Variants in ZNF114 observed in about 807,000 individuals in gnomAD.
The protein encoded by ZNF114 is zinc finger protein 114.
In ZNF114, 8 loss-of-function variants were observed where a neutral mutation model predicts 6.8. The observed-to-expected ratio is 1.18, with a 90% CI of 0.69 to 2.13. The LOEUF (loss-of-function observed/expected upper bound fraction) is 2.13, where lower values mean the gene tolerates loss of function less well. ZNF114 is among the 30% of genes most tolerant of loss of function. ZNF114 has a pLI of 0.00. For missense variants in ZNF114, 472 were observed against 519.5 expected (o/e 0.91, Z 0.89); for synonymous variants, 169 against 185.5 (o/e 0.91, Z 0.72).
rs142104732 is a variant in ZNF114, at chr19:48,277,116, G to A, written c.-69-2615G>A. Among the ~76,000 whole-genome samples the A allele has an allele frequency of 7.6e-3, 1,161 of 152,074 alleles. 15 individuals are homozygous for A. Among genetic ancestry groups the A allele is most frequent in the African/African-American group, 0.027 (1,101 of 41,480 alleles). ...GTGGAAGTTGCAGCGAGCTGAGATC[G>A]TGCCACTGCACTCCGGCCTGGGCGA... On this transcript the variant is annotated intron_variant, in intron 3 of 5. Coordinates refer to ENST00000595607, the MANE Select transcript of ZNF114 (RefSeq NM_153608.4).
chr19:48,286,993 C>A lies in ZNF114; in HGVS notation c.*115C>A. 3 of 1,114,610 alleles carry A rather than the reference C, an allele frequency of 2.7e-6. No individual in the cohort carries two copies. The highest frequency in any genetic ancestry group is 3.7e-6 in the Non-Finnish European group (3 of 821,292). 69.0% of individuals were successfully genotyped at this position (1,114,610 alleles called of 1,614,324 possible). Reference sequence around the variant, plus strand: ...AGTGAGAACATCTTCCCTGAACTCTCGTATCTTACAGAAATGTGAAAAAAA... The same window carrying A: ...AGTGAGAACATCTTCCCTGAACTCTAGTATCTTACAGAAATGTGAAAAAAA... On this transcript the variant is annotated 3_prime_UTR_variant, in exon 6 of 6. Transcript: ENST00000595607.
chr19:48,275,784 G>A (rs1967813364), intron 3 of ZNF114, among the ~76,000 whole-genome samples: 1 of 151,904 alleles, frequency 6.6e-6, no homozygotes, highest in Non-Finnish European at 1.5e-5. Flanking sequence ...CACGAGGTCA[G>A]GAGATCGAGA....
Position 48,286,155 on chromosome 19 carries a change from T to C in ZNF114, c.531T>C (p.Asp177=). ...AAACACATGAAAACAACGAAGACGATGGAGTCTTGGGGTGGAACATTCAGT... is the reference window on the plus strand; with the variant it reads ...AAACACATGAAAACAACGAAGACGACGGAGTCTTGGGGTGGAACATTCAGT... ...SQKTHENNED[D]GVLGWNIQWV... is the part of the protein sequence containing the mutation. The change falls in exon 6 of 6, where the codon GAT becomes GAC. Residue 177 remains aspartate, a synonymous_variant. Transcript: ENST00000595607. 6.2e-7 allele frequency: 1 copy of C among 1,614,120 alleles called. No homozygotes were observed. The highest frequency in any genetic ancestry group is 1.1e-5 in the South Asian group (1 of 91,084).
chr19:48,283,714 T>A (rs1600845661), intron 5 of ZNF114, among the ~76,000 whole-genome samples: 1 of 147,718 alleles, frequency 6.8e-6, no homozygotes, highest in African/African-American at 2.5e-5. Flanking sequence ...TTCTTCTCCC[T>A]GGGGGGTTCT....
chr19:48,287,010 T>TG lies in ZNF114; in HGVS notation c.*133dup, dbSNP rs1214810282. The TG allele has an allele frequency of 2.0e-6, 2 of 994,328 alleles. No homozygotes were observed. The highest frequency in any genetic ancestry group is 2.8e-6 in the Non-Finnish European group (2 of 723,026). The allele number at this position is 994,328 out of a possible 1,614,324, so 61.6% of individuals were successfully genotyped here. On this transcript the variant is annotated 3_prime_UTR_variant, in exon 6 of 6. Coordinates refer to ENST00000595607, the MANE Select transcript of ZNF114 (RefSeq NM_153608.4). ...TGAACTCTCGTATCTTACAGAAATG[T>TG]GAAAAAAAACCCTGTGAAGGTAAAG...
chr19:48,275,240 G>A, intron 3 of ZNF114, among the ~76,000 whole-genome samples: 1 of 143,106 alleles, frequency 7.0e-6, no homozygotes, highest in African/African-American at 2.6e-5. Context: ...AGGAAGGGAG[G>A]GAGGGAGGGA....
chr19:48,281,911 T>C (rs2147292708), intron 4 of ZNF114, among the ~76,000 whole-genome samples: 1 of 147,442 alleles, frequency 6.8e-6, no homozygotes, highest in African/African-American at 2.5e-5. Context: ...TTTTTTTTTT[T>C]TTTTTGAGAC....
intron 3 of ZNF114, among the ~76,000 whole-genome samples, chr19:48,272,621 C>CTTTTTTTTTTTTTT (rs1568989041): frequency 3.2e-5 from 4 of 124,836 alleles, no homozygotes; most frequent in African/African-American, 1.3e-4. Context: ...TTGCAGTGAG[C>CTTTTTTTTTTTTTT]CGAGATCGTG....
At chr19:48,273,709 C>G (rs925370317) in intron 3 of ZNF114, among the ~76,000 whole-genome samples, 1 of 150,788 alleles carries the variant, frequency 6.6e-6, no homozygotes, top group African/African-American at 2.4e-5. Flanking sequence ...CACAGGCTTG[C>G]TTCTGTGTCA....
intron 4 of ZNF114, among the ~76,000 whole-genome samples, chr19:48,281,398 C>A (rs1422057646): frequency 1.3e-5 from 2 of 152,056 alleles, no homozygotes; most frequent in Non-Finnish European, 2.9e-5. Context: ...TCACTGGCGT[C>A]CTTGGCATTC....
intron 3 of ZNF114, among the ~76,000 whole-genome samples, chr19:48,275,457 C>CACACACACACACACAA (rs1181746572): frequency 3.1e-4 from 45 of 144,676 alleles, no homozygotes; most frequent in Middle Eastern, 3.7e-3. Context: ...CACACACACA[C>CACACACACACACACAA]AAAATAGCCA....
intron 3 of ZNF114, among the ~76,000 whole-genome samples, chr19:48,277,972 G>T (rs1967892515): frequency 6.6e-6 from 1 of 151,402 alleles, no homozygotes; most frequent in Non-Finnish European, 1.5e-5. Context: ...TCGCTCTGTT[G>T]CCCATGCTGG....
intron 3 of ZNF114, among the ~76,000 whole-genome samples, chr19:48,278,925 AGAGT>A (rs1967919779): frequency 6.6e-6 from 1 of 151,610 alleles, no homozygotes; most frequent in East Asian, 1.9e-4. Flanking sequence ...CCTGGGCAAC[AGAGT>A]GAGACTCCGT....
rs1303669575 is a variant in ZNF114 at position 48,287,536 on chromosome 19, AC to A, written c.*660del. On this transcript the variant is annotated 3_prime_UTR_variant, in exon 6 of 6. Coordinates refer to ENST00000595607, the MANE Select transcript of ZNF114 (RefSeq NM_153608.4). ...GTAGGAAAGACCTCTTTAAACACTT[AC>A]CACTCATGTTGCATGTGAATCCACA... is the stretch of plus-strand genomic sequence containing the variant. 1 of 151,846 alleles carries A rather than the reference AC, an allele frequency of 6.6e-6. No individual in the cohort carries two copies. Among genetic ancestry groups the A allele is most frequent in the Non-Finnish European group, 1.5e-5 (1 of 68,014 alleles). The allele number at this position is 151,846 out of a possible 1,614,324, so 9.4% of individuals were successfully genotyped here. A position where few individuals can be genotyped will look rare whatever the true frequency, so the allele number is the denominator to read the frequency against.
intron 3 of ZNF114, among the ~76,000 whole-genome samples, chr19:48,276,360 TA>T (rs1967832867): frequency 6.6e-6 from 1 of 151,922 alleles, no homozygotes; most frequent in Non-Finnish European, 1.5e-5. Flanking sequence ...ATTACAGCCT[TA>T]GGCCACTGCA....
chr19:48,277,794 G>GGTGGGTGTGTGTGTGTGTGTGTGT (rs1555876488), intron 3 of ZNF114, among the ~76,000 whole-genome samples: 3 of 119,338 alleles, frequency 2.5e-5, no homozygotes, highest in East Asian at 2.5e-4. Flanking sequence ...GGAGGCATTG[G>GGTGGGTGTGTGTGTGTGTGTGTGT]GTGTGTGTGT....
At chr19:48,285,596 A>AAGG (rs1568995129) in intron 5 of ZNF114, among the ~76,000 whole-genome samples, 165 bp from the exon 6 acceptor site, 90 of 150,650 alleles carry the variant, frequency 6.0e-4, no homozygotes, top group Non-Finnish European at 1.1e-3. Flanking sequence ...GAAAAGAAAG[A>AAGG]AAGGAAGGAA....
intron 5 of ZNF114, among the ~76,000 whole-genome samples, chr19:48,283,979 C>T (rs1968057210): frequency 6.6e-6 from 1 of 152,098 alleles, no homozygotes; most frequent in Admixed American, 6.6e-5. Context: ...AGTGCTCCGC[C>T]CACCTCGGCC....
Position 48,285,795 on chromosome 19 carries a change from C to T in ZNF114, c.171C>T (p.Thr57=). 1 of 1,612,150 alleles carries T rather than the reference C, an allele frequency of 6.2e-7. No homozygotes were observed. Among genetic ancestry groups the T allele is most frequent in the African/African-American group, 1.3e-5 (1 of 74,896 alleles). ...WATPCKTKDA[T]PQPDILPKRT... is the part of the protein sequence containing the mutation. ...CTCCATGTAAAACCAAAGACGCAAC[C>T]CCTCAGCCGGATATTCTTCCTAAAA... Residue 57 remains threonine (T), a synonymous_variant, in exon 6 of 6, where the codon ACC becomes ACT. Coordinates refer to ENST00000595607, the MANE Select transcript of ZNF114 (RefSeq NM_153608.4).
Sources: allele counts gnomAD v4.1 joint callset (sites outside exome capture counted in the v4.1 genomes callset), GRCh38; gene constraint gnomAD v4.1.1; transcripts MANE v1.5; gene names NCBI Gene and HGNC (gene_info 2026-07-23, HGNC 2026-07-21).